PTPN3: variants seen among roughly 807,000 people sequenced by gnomAD.
PTPN3 encodes the protein tyrosine-protein phosphatase non-receptor type 3.
PTPN3 carries 96 observed loss-of-function variants against 132.7 expected under a neutral mutation model. The observed-to-expected ratio is 0.72, with a 90% CI of 0.61 to 0.86. PTPN3 has a LOEUF of 0.86. Ranked by LOEUF, PTPN3 falls within the 40% of genes least tolerant of loss-of-function variation. The pLI is 0.00. For synonymous variants in PTPN3, 398 were observed against 429.0 expected (o/e 0.93, Z 0.89); for missense variants, 1,125 against 1,159.6 (o/e 0.97, Z 0.43).
At chr9:109,407,512 A>G (rs1173857028) in intron 17 of PTPN3, among the ~76,000 whole-genome samples, 1 of 152,206 alleles carries the variant, frequency 6.6e-6, no homozygotes, top group African/African-American at 2.4e-5. Context: ...TTAAACGAAA[A>G]AATTACTTGA....
chr9:109,426,885 C>A (rs1316004291), intron 12 of PTPN3, 65 bp downstream of exon 12: 4 of 1,491,844 alleles, frequency 2.7e-6, no homozygotes, highest in Non-Finnish European at 3.7e-6. Context: ...GTCCTCTATT[C>A]ACTGATGACC....
At chr9:109,477,082 C>T (rs1175075819) in intron 1 of PTPN3, among the ~76,000 whole-genome samples, 1 of 151,970 alleles carries the variant, frequency 6.6e-6, no homozygotes, top group Non-Finnish European at 1.5e-5. Flanking sequence ...GGTGATGATC[C>T]CAAGCTCAGG....
At chr9:109,535,405 C>T in the PTPN3 span, among the ~76,000 whole-genome samples, 2 of 152,210 alleles carry the variant, frequency 1.3e-5, no homozygotes, top group African/African-American at 4.8e-5. Context: ...TACTAGCTCT[C>T]CCACTTCTCC....
At chr9:109,506,560 T>TTTCC in the PTPN3 span, among the ~76,000 whole-genome samples, 3 of 147,962 alleles carry the variant, frequency 2.0e-5, no homozygotes, top group Non-Finnish European at 4.5e-5. Flanking sequence ...TCCTCCCTCC[T>TTTCC]TTCCTTCCTT....
At chr9:109,383,691 T>G in intron 22 of PTPN3, 140 bp from the exon 23 acceptor site, 1 of 1,255,000 alleles carries the variant, frequency 8.0e-7, no homozygotes, top group Non-Finnish European at 1.1e-6. Flanking sequence ...CTCAGCCAAG[T>G]CCATCAGCTG....
At chr9:109,421,295 C>T (rs972182618) in intron 13 of PTPN3, among the ~76,000 whole-genome samples, 9 of 152,100 alleles carry the variant, frequency 5.9e-5, no homozygotes, top group Admixed American at 2.6e-4. Flanking sequence ...GGCACCTGGG[C>T]GTCAGCTCCT....
At chr9:109,533,163 A>T in the PTPN3 span, among the ~76,000 whole-genome samples, 1 of 70,436 alleles carries the variant, frequency 1.4e-5, no homozygotes, top group African/African-American at 6.0e-5. Flanking sequence ...TTTGAGACGG[A>T]GTCTCGCTCT....
the PTPN3 span, chr9:109,533,369 T>A: frequency 1.6e-6 from 1 of 633,200 alleles, no homozygotes; most frequent in Non-Finnish European, 2.7e-6. Context: ...TGGTCTCGAA[T>A]TCCTGACCCC....
the PTPN3 span, among the ~76,000 whole-genome samples, chr9:109,517,332 G>A: frequency 6.6e-6 from 1 of 152,144 alleles, no homozygotes; most frequent in African/African-American, 2.4e-5. Flanking sequence ...GATCCTTTGA[G>A]GTCCCCCAGG....
intron 12 of PTPN3, 23 bp from the exon 13 acceptor site, chr9:109,422,875 A>G (rs751005307): frequency 6.2e-7 from 1 of 1,607,502 alleles, no homozygotes; most frequent in South Asian, 1.1e-5. Flanking sequence ...ATGCAGGTTC[A>G]CTTTCTACAC....
intron 1 of PTPN3, among the ~76,000 whole-genome samples, chr9:109,473,763 T>C (rs1267511147): frequency 6.6e-6 from 1 of 152,136 alleles, no homozygotes; most frequent in Non-Finnish European, 1.5e-5. Context: ...AGAGAAAAAG[T>C]ACAAATGCTA....
chr9:109,398,568 T>C (rs890564913), intron 19 of PTPN3, among the ~76,000 whole-genome samples: 3 of 152,214 alleles, frequency 2.0e-5, no homozygotes, highest in Non-Finnish European at 2.9e-5. Context: ...GAGTTTGACA[T>C]GACCTTTGGT....
chr9:109,433,663 T>C (rs1843820234), intron 9 of PTPN3, among the ~76,000 whole-genome samples: 1 of 152,202 alleles, frequency 6.6e-6, no homozygotes, highest in Non-Finnish European at 1.5e-5. Flanking sequence ...CCCAGCACTT[T>C]ACGAGGCCAA....
chr9:109,483,474 A>G (rs1270946903), intron 1 of PTPN3, among the ~76,000 whole-genome samples: 1 of 151,664 alleles, frequency 6.6e-6, no homozygotes, highest in African/African-American at 2.4e-5. Flanking sequence ...GGAACTCACA[A>G]ATCAATCAGA....
the PTPN3 span, among the ~76,000 whole-genome samples, chr9:109,515,230 G>A: frequency 6.6e-6 from 1 of 152,214 alleles, no homozygotes; most frequent in African/African-American, 2.4e-5. Context: ...TCACCATGTT[G>A]CCCAGGCTGG....
rs752334142 is a variant in PTPN3, at chr9:109,426,993, C to T, written c.958G>A (p.Val320Ile). Reference sequence around the variant, plus strand: ...CCCATAGTCCAGTACTGAGACAGAACATTCTTTTCCTGAGGTAGTAGCTTC... The same window carrying T: ...CCCATAGTCCAGTACTGAGACAGAATATTCTTTTCCTGAGGTAGTAGCTTC... ...AKKLLPQEKN[V>I]LSQYWTMGSR... is the part of the protein sequence containing the mutation. Residue 320 changes from valine to isoleucine, a missense_variant, in exon 12 of 26, where the codon GTT becomes ATT. By Grantham distance (29) the Val-to-Ile change is conservative. Coordinates refer to ENST00000374541, the MANE Select transcript of PTPN3 (RefSeq NM_002829.4). 175 of 1,613,772 alleles carry T rather than the reference C, an allele frequency of 1.1e-4. No homozygotes were observed. The highest frequency in any genetic ancestry group is 1.4e-4 in the Non-Finnish European group (171 of 1,179,750).
intron 1 of PTPN3, among the ~76,000 whole-genome samples, chr9:109,464,522 A>G (rs1588470690): frequency 6.6e-6 from 1 of 152,228 alleles, no homozygotes; most frequent in East Asian, 1.9e-4. Flanking sequence ...TTACCTATAT[A>G]ACAAACCTGC....
chr9:109,470,859 C>A (rs946937533), intron 1 of PTPN3, among the ~76,000 whole-genome samples: 8 of 152,118 alleles, frequency 5.3e-5, no homozygotes, highest in African/African-American at 1.9e-4. Flanking sequence ...AACTAGCGTA[C>A]ACAAGAATCA....
At chr9:109,532,839 C>T in the PTPN3 span, 4 of 1,050,982 alleles carry the variant, frequency 3.8e-6, no homozygotes, top group Non-Finnish European at 5.1e-6. Flanking sequence ...TTTACTCAGC[C>T]CCGCCCTGCT....
Sources: allele counts gnomAD v4.1 joint callset (sites outside exome capture counted in the v4.1 genomes callset), GRCh38; gene constraint gnomAD v4.1.1; transcripts MANE v1.5; gene names NCBI Gene and HGNC (gene_info 2026-07-23, HGNC 2026-07-21).